DOT1L: variants seen among roughly 807,000 people sequenced by gnomAD.
The protein encoded by DOT1L is DOT1 like histone lysine methyltransferase.
In DOT1L, 33 loss-of-function variants were observed where a neutral mutation model predicts 153.3. That is an observed-to-expected ratio of 0.22 (90% CI 0.16 to 0.29). The LOEUF is 0.29. DOT1L is among the 10% of genes least tolerant of loss of function. The probability of loss-of-function intolerance (pLI) is 1.00; values close to 1 mark genes in which losing one functional copy is unlikely to be tolerated. For synonymous variants in DOT1L, 1,135 were observed against 965.1 expected (o/e 1.18, Z -3.26); for missense variants, 1,847 against 2,119.9 (o/e 0.87, Z 2.53).
chr19:2,209,658 G>T (rs915854099), intron 12 of DOT1L, among the ~76,000 whole-genome samples: 1 of 152,278 alleles, frequency 6.6e-6, no homozygotes, highest in African/African-American at 2.4e-5. Context: ...CGCTTCTGCA[G>T]CCTCAGACCT....
intron 2 of DOT1L, among the ~76,000 whole-genome samples, chr19:2,185,614 C>G (rs2022460272): frequency 6.6e-6 from 1 of 152,130 alleles, no homozygotes; most frequent in African/African-American, 2.4e-5. Flanking sequence ...ACTAAAAATA[C>G]AAAAATTAGC....
intron 27 of DOT1L, 158 bp from the exon 28 acceptor site, chr19:2,229,627 G>T (rs1055003621): frequency 4.1e-6 from 4 of 985,348 alleles, no homozygotes; most frequent in Non-Finnish European, 4.8e-6. Flanking sequence ...CCCGTCGTCT[G>T]TTGTGGTTAG....
intron 1 of DOT1L, among the ~76,000 whole-genome samples, chr19:2,176,001 C>T (rs1281569111): frequency 6.6e-6 from 1 of 152,126 alleles, no homozygotes; most frequent in African/African-American, 2.4e-5. Context: ...GGGATGATCA[C>T]CCAACCTCTG....
chr19:2,227,941 C>G, intron 27 of DOT1L: 1 of 1,213,572 alleles, frequency 8.2e-7, no homozygotes, highest in Non-Finnish European at 1.0e-6. Context: ...CCGCTGCCCC[C>G]GCCTGCGCAC....
intron 27 of DOT1L, chr19:2,228,195 A>C: frequency 7.3e-7 from 1 of 1,364,122 alleles, no homozygotes; most frequent in African/African-American, 1.5e-5. Flanking sequence ...CCCCTCCTTC[A>C]CGGTGCACCA....
Position 2,226,353 on chromosome 19 carries a change from G to T in DOT1L, c.3832G>T (p.Ala1278Ser), listed in dbSNP as rs758688224. Residue 1278 changes from alanine (A) to serine (S), a missense_variant, in exon 27 of 28, where the codon GCC (alanine) becomes TCC (serine). By Grantham distance (99) the Ala-to-Ser change is moderately conservative (BLOSUM62 1). Coordinates refer to ENST00000398665, the MANE Select transcript of DOT1L (RefSeq NM_032482.3). ...SQNSLFTFRP[A>S]LEEPSADAKL... The stretch of plus-strand genomic sequence containing the variant: ...GAACTCCCTGTTCACGTTCCGGCCC[G>T]CCCTGGAGGAGCCCTCTGCCGATGC... 3.8e-6 allele frequency: 6 copies of T among 1,592,658 alleles called. No individual in the cohort carries two copies. The highest frequency in any genetic ancestry group is 1.1e-5 in the South Asian group (1 of 88,676).
At chr19:2,184,272 T>C (rs1348749597) in intron 2 of DOT1L, among the ~76,000 whole-genome samples, 2 of 152,136 alleles carry the variant, frequency 1.3e-5, no homozygotes, top group Non-Finnish European at 2.9e-5. Context: ...CCTGCCGGTG[T>C]TGGCCAGGTG....
intron 27 of DOT1L, chr19:2,227,942 G>A: frequency 1.2e-6 from 1 of 803,524 alleles, no homozygotes; most frequent in Non-Finnish European, 1.5e-6. Flanking sequence ...CGCTGCCCCC[G>A]CCTGCGCACC....
chr19:2,202,903 C>A, intron 9 of DOT1L, 124 bp downstream of exon 9: 2 of 859,874 alleles, frequency 2.3e-6, no homozygotes, highest in Non-Finnish European at 3.8e-6. Context: ...CCCTTGGAGC[C>A]AGGTGGTCTT....
chr19:2,228,209 G>A (rs1286268674), intron 27 of DOT1L: 2 of 1,364,100 alleles, frequency 1.5e-6, no homozygotes, highest in African/African-American at 3.0e-5. Context: ...TGCACCACCA[G>A]CCCCTGCCCC....
Position 2,194,371 on chromosome 19 carries a change from C to G in DOT1L, c.589-144C>G, listed in dbSNP as rs2022927144. On this transcript the variant is annotated intron_variant, in intron 6 of 27. Coordinates refer to ENST00000398665, the MANE Select transcript of DOT1L (RefSeq NM_032482.3). ...TATTTTTAGTAGAGACGGGGTTTCACCGTGTTAGCCAGGATGGTCGCAATC... is the reference window on the plus strand; with the variant it reads ...TATTTTTAGTAGAGACGGGGTTTCAGCGTGTTAGCCAGGATGGTCGCAATC... The G allele has an allele frequency of 5.0e-6, 4 of 805,332 alleles. No homozygotes were observed. In the Admixed American group the frequency reaches 1.0e-4, roughly 20 times the overall value. The allele number at this position is 805,332 out of a possible 1,614,324, so 49.9% of individuals were successfully genotyped here. A position where few individuals can be genotyped will look rare whatever the true frequency, so the allele number is the denominator to read the frequency against.
chr19:2,222,610 C>T lies in DOT1L; in HGVS notation c.3390+51C>T, dbSNP rs768401551. 1 of 1,477,202 alleles carries T rather than the reference C, an allele frequency of 6.8e-7. No individual in the cohort carries two copies. The highest frequency in any genetic ancestry group is 2.4e-5 in the Admixed American group (1 of 42,394). The allele number at this position is 1,477,202 out of a possible 1,614,324, so 91.5% of individuals were successfully genotyped here. On this transcript the variant is annotated intron_variant, in intron 24 of 27. Coordinates refer to ENST00000398665, the MANE Select transcript of DOT1L (RefSeq NM_032482.3). The surrounding 1 kb of genome is among the most constrained non-coding windows in gnomAD (Gnocchi z 6.5). ...GGGAGCGCGGCCTGTGAAAGAAAGACCAGAGGGAGACCGGGCGCGGTGGCT... is the reference window on the plus strand; with the variant it reads ...GGGAGCGCGGCCTGTGAAAGAAAGATCAGAGGGAGACCGGGCGCGGTGGCT...
chr19:2,202,569 G>A, intron 8 of DOT1L, 131 bp from the exon 9 acceptor site: 1 of 856,280 alleles, frequency 1.2e-6, no homozygotes, highest in Non-Finnish European at 1.9e-6. Flanking sequence ...CAGCTGCGTG[G>A]GCTTGGCCCT....
At position 2,167,774 on chromosome 19, in the gene DOT1L, C is replaced by T. The variant is rs191299464; in HGVS notation, c.81+3509C>T. On this transcript the variant is annotated intron_variant, in intron 1 of 27. Transcript: ENST00000398665. ...TTTTTGAGACAGAGTCTTGCTCTAT[C>T]GCCCAGGCTGGAGTGCAGTGGCACA... Among the ~76,000 whole-genome samples the T allele has an allele frequency of 9.6e-3, 1,369 of 142,946 alleles. 22 individuals are homozygous for T. The highest frequency in any genetic ancestry group is 0.034 in the African/African-American group (1,271 of 37,618). 93.8% of individuals were successfully genotyped at this position (142,946 alleles called of 152,430 possible).
At chr19:2,165,275 G>T (rs1045904002) in intron 1 of DOT1L, among the ~76,000 whole-genome samples, 2 of 16,312 alleles carry the variant, frequency 1.2e-4, no homozygotes, top group Non-Finnish European at 2.1e-4. Flanking sequence ...CGCGCGCCCT[G>T]GGACTCCCGC....
At chr19:2,187,073 C>A (rs1012362672) in intron 3 of DOT1L, among the ~76,000 whole-genome samples, 3 of 152,214 alleles carry the variant, frequency 2.0e-5, no homozygotes, top group Non-Finnish European at 4.4e-5. Flanking sequence ...TTGCCTCCAT[C>A]TCCAGTCCCC....
rs2022872080 is a variant in DOT1L, at chr19:2,193,200, G to A, written c.494-489G>A. ...GCGGCCGGGAGACTGTCCTGGCTGC[G>A]GGGGACCCCTCACTGCCTCTCCCAC... On this transcript the variant is annotated intron_variant, in intron 5 of 27. Transcript: ENST00000398665. This position sits in a 1 kb window ranked among gnomAD's most constrained non-coding sequence, Gnocchi z 5.9. Among the ~76,000 whole-genome samples, 1 of 152,166 alleles carries A rather than the reference G, an allele frequency of 6.6e-6. No homozygotes were observed. Among genetic ancestry groups the A allele is most frequent in the Admixed American group, 6.5e-5 (1 of 15,278 alleles).
intron 27 of DOT1L, chr19:2,228,633 GGCCAGCCCTGGGGGCAGCTGT>G (rs2024471286): frequency 1.0e-6 from 1 of 985,346 alleles, no homozygotes; most frequent in Non-Finnish European, 1.2e-6. Context: ...GCAGGACTGA[GGCCAGCCCTGGGGGCAGCTGT>G]GCCAGCCCCT....
intron 1 of DOT1L, among the ~76,000 whole-genome samples, chr19:2,172,999 C>T (rs145455827): frequency 2.6e-5 from 4 of 152,026 alleles, no homozygotes; most frequent in Non-Finnish European, 5.9e-5. Context: ...AAAGTTCACC[C>T]GTTTTAAGTG....
Sources: allele counts gnomAD v4.1 joint callset (sites outside exome capture counted in the v4.1 genomes callset), GRCh38; gene constraint gnomAD v4.1.1; non-coding constraint Gnocchi (gnomAD v3.1); transcripts MANE v1.5; gene names NCBI Gene and HGNC (gene_info 2026-07-23, HGNC 2026-07-21).